CMTM8: variants seen among roughly 807,000 people sequenced by gnomAD.
CMTM8 encodes CKLF-like MARVEL transmembrane domain-containing protein 8.
A neutral mutation model predicts 18.6 loss-of-function variants in CMTM8; 12 were observed. The ratio of observed to expected loss-of-function variants is 0.65; its 90% CI spans 0.41 to 1.05. The LOEUF (loss-of-function observed/expected upper bound fraction) is 1.05, where lower values mean the gene tolerates loss of function less well. Among genes scored for constraint, CMTM8 ranks in the 50% least tolerant of loss-of-function variants. The probability of loss-of-function intolerance (pLI) is 0.00; values close to 1 mark genes in which losing one functional copy is unlikely to be tolerated. For missense variants in CMTM8, 217 were observed against 227.2 expected (o/e 0.95, Z 0.29); for synonymous variants, 87 against 90.6 (o/e 0.96, Z 0.23).
intron 2 of CMTM8, among the ~76,000 whole-genome samples, chr3:32,364,802 A>G (rs1417608970): frequency 6.6e-6 from 1 of 152,228 alleles, no homozygotes; most frequent in Admixed American, 6.5e-5. Flanking sequence ...GCTGCTCATT[A>G]TCCCCCACTA....
chr3:32,319,220 A>G (rs1448060862), intron 1 of CMTM8, among the ~76,000 whole-genome samples: 2 of 150,154 alleles, frequency 1.3e-5, no homozygotes, highest in Non-Finnish European at 3.0e-5. Context: ...CTGGGCTTAC[A>G]GGCACCCACC....
At chr3:32,339,640 A>G (rs1395676761) in intron 1 of CMTM8, among the ~76,000 whole-genome samples, 2 of 152,194 alleles carry the variant, frequency 1.3e-5, no homozygotes, top group Non-Finnish European at 2.9e-5. Flanking sequence ...CAGTTCCCCT[A>G]TAAAGTATTA....
intron 1 of CMTM8, among the ~76,000 whole-genome samples, chr3:32,344,720 C>T (rs1696561328): frequency 6.6e-6 from 1 of 152,080 alleles, no homozygotes; most frequent in African/African-American, 2.4e-5. Context: ...CATAGTGAGA[C>T]CCCGGCTCTA....
At chr3:32,297,599 G>A (rs1340384491) in intron 1 of CMTM8, among the ~76,000 whole-genome samples, 1 of 152,002 alleles carries the variant, frequency 6.6e-6, no homozygotes, top group Non-Finnish European at 1.5e-5. Context: ...CAGCAGCCCC[G>A]TCTGGGGTGG....
intron 1 of CMTM8, among the ~76,000 whole-genome samples, chr3:32,313,477 G>A (rs1327100650): frequency 6.6e-6 from 1 of 152,030 alleles, no homozygotes; most frequent in African/African-American, 2.4e-5. Flanking sequence ...TAATTTTTTG[G>A]TATTTTTAAT....
At position 32,369,966 on chromosome 3, in the gene CMTM8, G is replaced by C; in HGVS notation, c.521G>C (p.Ter174SerextTer17). ...FIAWRSRTIQ[*>S] ...GCATGGAGATCCAGGACCATACAGT[G>C]ATTTACCATTTTGATAATTAAAAGG... Residue 174 changes from the stop codon to serine (S), a stop_lost, in exon 4 of 4, where the codon TGA becomes TCA. Coordinates refer to ENST00000307526, the MANE Select transcript of CMTM8 (RefSeq NM_178868.5). The C allele has an allele frequency of 6.4e-7, 1 of 1,551,260 alleles. No individual in the cohort carries two copies. Among genetic ancestry groups the C allele is most frequent in the Non-Finnish European group, 8.8e-7 (1 of 1,134,868 alleles).
intron 1 of CMTM8, among the ~76,000 whole-genome samples, chr3:32,306,937 A>G (rs1469083524): frequency 1.3e-5 from 2 of 152,202 alleles, no homozygotes; most frequent in Admixed American, 1.3e-4. Flanking sequence ...TGCCAGGCAC[A>G]GTGTCTCACG....
chr3:32,353,696 A>G (rs1359384350), intron 1 of CMTM8, among the ~76,000 whole-genome samples: 1 of 152,178 alleles, frequency 6.6e-6, no homozygotes, highest in Non-Finnish European at 1.5e-5. Flanking sequence ...AAGGGTAAAT[A>G]CAAAATTGTT....
Position 32,238,837 on chromosome 3 carries a change from C to T in CMTM8, c.-136C>T. ...GCGCCTGGACAGCCCCCGGCGGGCG[C>T]CCCCCTCGCACCTCCTGCCCCGCGC... On this transcript the variant is annotated 5_prime_UTR_variant, in exon 1 of 4. Transcript: ENST00000307526. 1 of 652,436 alleles carries T rather than the reference C, an allele frequency of 1.5e-6. No individual in the cohort carries two copies. The highest frequency in any genetic ancestry group is 2.2e-6 in the Non-Finnish European group (1 of 463,500). 40.4% of individuals were successfully genotyped at this position (652,436 alleles called of 1,614,324 possible).
At chr3:32,308,331 T>C (rs1338562228) in intron 1 of CMTM8, among the ~76,000 whole-genome samples, 1 of 152,214 alleles carries the variant, frequency 6.6e-6, no homozygotes, top group Non-Finnish European at 1.5e-5. Flanking sequence ...GAAAAATATA[T>C]TGAGTTGTCT....
intron 1 of CMTM8, among the ~76,000 whole-genome samples, chr3:32,316,392 T>C (rs551441712): frequency 3.3e-5 from 5 of 152,292 alleles, no homozygotes; most frequent in African/African-American, 1.2e-4. Context: ...GTTTTGGCCA[T>C]TGTCTTAAAA....
chr3:32,253,222 T>G (rs1390142053), intron 1 of CMTM8, among the ~76,000 whole-genome samples: 1 of 152,240 alleles, frequency 6.6e-6, no homozygotes, highest in Non-Finnish European at 1.5e-5. Flanking sequence ...TCTAGGGATA[T>G]CGTGGCTATG....
chr3:32,263,318 C>T (rs1321032114), intron 1 of CMTM8, among the ~76,000 whole-genome samples: 2 of 152,210 alleles, frequency 1.3e-5, no homozygotes, highest in African/African-American at 2.4e-5. Flanking sequence ...CTGCAGCCTC[C>T]GCTGCTGATA....
chr3:32,329,567 C>A (rs1287361130), intron 1 of CMTM8, among the ~76,000 whole-genome samples: 3 of 152,142 alleles, frequency 2.0e-5, no homozygotes, highest in Non-Finnish European at 4.4e-5. Context: ...CAAAATTCAA[C>A]ACCGTTTCAT....
chr3:32,357,349 T>C, intron 1 of CMTM8, 24 bp from the exon 2 acceptor site: 1 of 1,603,018 alleles, frequency 6.2e-7, no homozygotes. Context: ...CCCTCCTCTC[T>C]CCACTGCTTC....
intron 2 of CMTM8, among the ~76,000 whole-genome samples, chr3:32,364,859 C>T (rs1312062932): frequency 6.6e-6 from 1 of 152,240 alleles, no homozygotes; most frequent in Non-Finnish European, 1.5e-5. Context: ...GCCTTGGCCC[C>T]TCTGCCACTG....
chr3:32,330,610 C>T (rs1192419755), intron 1 of CMTM8, among the ~76,000 whole-genome samples: 2 of 152,128 alleles, frequency 1.3e-5, no homozygotes, highest in Admixed American at 1.3e-4. Context: ...AATATACGCT[C>T]ATATATGTAG....
chr3:32,279,178 T>A (rs60528587), intron 1 of CMTM8, among the ~76,000 whole-genome samples: 10,117 of 83,264 alleles, frequency 0.12, 413 homozygotes, highest in East Asian at 0.24. Flanking sequence ...TTTTTTTTTT[T>A]AATTTTTTTT....
intron 1 of CMTM8, among the ~76,000 whole-genome samples, chr3:32,251,865 G>A (rs1462068025): frequency 6.6e-6 from 1 of 151,740 alleles, no homozygotes; most frequent in Non-Finnish European, 1.5e-5. Flanking sequence ...TGAGGCAGGC[G>A]GATGGCTTGA....
Sources: gnomAD v4.1 joint callset for allele counts (sites outside exome capture counted in the v4.1 genomes callset) on GRCh38, gnomAD v4.1.1 for gene constraint, MANE v1.5 for transcripts, NCBI Gene and HGNC (gene_info 2026-07-23, HGNC 2026-07-21) for gene names.